ZNF12: variants seen among roughly 807,000 people sequenced by gnomAD.
ZNF12 encodes the protein zinc finger protein 12.
A neutral mutation model predicts 66.6 loss-of-function variants in ZNF12; 34 were observed. That is an observed-to-expected ratio of 0.51 (90% confidence interval 0.39 to 0.68). ZNF12 has a LOEUF of 0.68. Among genes scored for constraint, ZNF12 ranks in the 30% least tolerant of loss-of-function variants. The pLI is 0.00. For missense variants in ZNF12, 697 were observed against 826.9 expected, an observed-to-expected ratio of 0.84 and a Z score of 1.93; for synonymous variants, 320 against 278.9, an observed-to-expected ratio of 1.15 and a Z score of -1.47.
chr7:6,690,820 G>C lies in ZNF12; in HGVS notation c.*28C>G, dbSNP rs1158614252. The C allele has an allele frequency of 1.3e-6, 2 of 1,563,664 alleles. No individual in the cohort carries two copies. Among genetic ancestry groups the C allele is most frequent in the Admixed American group, 3.8e-5 (2 of 52,338 alleles). On this transcript the variant is annotated 3_prime_UTR_variant, in exon 5 of 5. Coordinates refer to ENST00000405858, the MANE Select transcript of ZNF12 (RefSeq NM_016265.4). ...GTTTCTGATTCACTATACTGAAAGG[G>C]TTCTCTGATATAAAATGAGGTCTGA...
intron 2 of ZNF12, among the ~76,000 whole-genome samples, chr7:6,701,712 C>A (rs902386678): frequency 2.0e-5 from 3 of 152,018 alleles, no homozygotes; most frequent in African/African-American, 7.2e-5. Context: ...TATGTCTACC[C>A]TCTTCTCTAA....
rs771361747 is a variant in ZNF12, at chr7:6,692,390, A to G, written c.552T>C (p.His184=). 6 of 1,612,750 alleles carry G rather than the reference A, an allele frequency of 3.7e-6. No homozygotes were observed. Among genetic ancestry groups the G allele is most frequent in the Non-Finnish European group, 5.1e-6 (6 of 1,179,296 alleles). Residue 184 remains histidine, a synonymous_variant, in exon 5 of 5, where the codon CAT becomes CAC. Coordinates refer to ENST00000405858, the MANE Select transcript of ZNF12 (RefSeq NM_016265.4). This position sits in a 1 kb window ranked among gnomAD's most constrained non-coding sequence, Gnocchi z 5.1. ...SLLHIKLEKT[H]PGDQAYEFNQ... is the part of the protein sequence containing the mutation. ...TAAATTCATAAGCTTGATCTCCTGG[A>G]TGAGTTTTCTCAAGCTTAATATGGA... is the stretch of plus-strand genomic sequence containing the variant.
chr7:6,690,772 A>G lies in ZNF12; in HGVS notation c.*76T>C. The G allele has an allele frequency of 1.4e-6, 2 of 1,397,346 alleles. No individual in the cohort carries two copies. Among genetic ancestry groups the G allele is most frequent in the South Asian group, 3.0e-5 (2 of 67,366 alleles). 86.6% of individuals were successfully genotyped at this position (1,397,346 alleles called of 1,614,324 possible). A position where few individuals can be genotyped will look rare whatever the true frequency, so the allele number is the denominator to read the frequency against. ...AACCTGTGTGAACTCTCTGATGTAC[A>G]AGGTGTTTGACTTCAGGCAGGAGTT... On this transcript the variant is annotated 3_prime_UTR_variant, in exon 5 of 5. Coordinates refer to ENST00000405858, the MANE Select transcript of ZNF12 (RefSeq NM_016265.4).
rs376469135 is a variant in ZNF12 at position 6,691,959 on chromosome 7, T to C, written c.983A>G (p.Asn328Ser). Reference sequence around the variant, plus strand: ...CTGGTAAAAGTTCTTCCCACATTCATTACATTCATAGGGCTTCTCCCCTGT... The same window carrying C: ...CTGGTAAAAGTTCTTCCCACATTCACTACATTCATAGGGCTTCTCCCCTGT... The part of the protein sequence containing the change: ...THTGEKPYEC[N>S]ECGKNFYQKL... Residue 328 changes from asparagine to serine, a missense_variant, in exon 5 of 5, where the codon AAT (asparagine) becomes AGT (serine). Asn to Ser is a conservative substitution (Grantham distance 46). This residue lies in a region of ZNF12 where 401 missense variants were observed against 519.0 expected (regional missense o/e 0.77). Coordinates refer to ENST00000405858, the MANE Select transcript of ZNF12 (RefSeq NM_016265.4). 1.1e-5 allele frequency: 18 copies of C among 1,614,014 alleles called. No homozygotes were observed. In the African/African-American group the frequency reaches 2.3e-4, roughly 20 times the overall value.
rs3839710 is a variant in ZNF12 at position 6,692,886 on chromosome 7, AACACACACAC to A, written c.239-193_239-184del. Among the ~76,000 whole-genome samples the A allele has an allele frequency of 1.3e-5, 2 of 150,078 alleles. No homozygotes were observed. The highest frequency in any genetic ancestry group is 2.1e-4 in the South Asian group (1 of 4,750). On this transcript the variant is annotated intron_variant, in intron 4 of 4. Transcript: ENST00000405858. This position sits in a 1 kb window ranked among gnomAD's most constrained non-coding sequence, Gnocchi z 5.1. ...TTTTGCTTAAAATTACACACACACA[AACACACACAC>A]ACACACACATCCCCCTCTAGGAATG...
In ZNF12 at chr7:6,706,606, C is replaced by T. The variant is rs144461280; in HGVS notation, c.-225G>A. ...ACAAATCCAGGCGGGGCGTCCCTCC[C>T]GGAGCCCAGATCCGTCTCCCTGGGG... On this transcript the variant is annotated 5_prime_UTR_variant, in exon 1 of 5. Coordinates refer to ENST00000405858, the MANE Select transcript of ZNF12 (RefSeq NM_016265.4). The T allele has an allele frequency of 4.4e-6, 2 of 453,730 alleles. No homozygotes were observed. The highest frequency in any genetic ancestry group is 2.0e-5 in the African/African-American group (1 of 49,960). The allele number at this position is 453,730 out of a possible 1,614,324, so 28.1% of individuals were successfully genotyped here. A position where few individuals can be genotyped will look rare whatever the true frequency, so the allele number is the denominator to read the frequency against.
chr7:6,700,020 T>G (rs373673607), intron 2 of ZNF12, among the ~76,000 whole-genome samples: 191 of 150,834 alleles, frequency 1.3e-3, no homozygotes, highest in African/African-American at 4.3e-3. Context: ...GCGTGGTGGC[T>G]CACACCTGTA....
rs571395309 is a variant in ZNF12, at chr7:6,706,644, C to A, written c.-263G>T. 7.5e-6 allele frequency: 3 copies of A among 401,010 alleles called. No homozygotes were observed. Among genetic ancestry groups the A allele is most frequent in the South Asian group, 3.5e-5 (2 of 57,502 alleles). The allele number at this position is 401,010 out of a possible 1,614,324, so 24.8% of individuals were successfully genotyped here. A position where few individuals can be genotyped will look rare whatever the true frequency, so the allele number is the denominator to read the frequency against. On this transcript the variant is annotated 5_prime_UTR_variant, in exon 1 of 5. Transcript: ENST00000405858. ...CGTCTCCCTGGGGCTCACCGTCCTG[C>A]GGAGCCGGGGCCGGGCCGTCGAGGA...
chr7:6,697,064 T>C lies in ZNF12; in HGVS notation c.238+275A>G, dbSNP rs1056693563. 8.6e-5 allele frequency among the ~76,000 whole-genome samples: 13 copies of C among 151,386 alleles called. No individual in the cohort carries two copies. The highest frequency in any genetic ancestry group is 1.6e-4 in the Non-Finnish European group (11 of 67,920). ...ATAACACCTAAAAAATCCATGATAA[T>C]GGTTTCTGAAAATGCTAGAAGAGCA... On this transcript the variant is annotated intron_variant, in intron 4 of 4. Transcript: ENST00000405858. The surrounding 1 kb of genome is among the most constrained non-coding windows in gnomAD (Gnocchi z 6.1).
Position 6,691,871 on chromosome 7 carries a change from A to G in ZNF12, c.1071T>C (p.Tyr357=), listed in dbSNP as rs1302266771. ...TCTTCTGGCAAAAGGATTTTCCACA[A>G]TAACTACATTCATAGGGCTTCTCTC... is the stretch of plus-strand genomic sequence containing the variant. ...HSGEKPYECS[Y]CGKSFCQKTH... The change falls in exon 5 of 5, where the codon TAT becomes TAC. Residue 357 remains tyrosine (Y), a synonymous_variant. Coordinates refer to ENST00000405858, the MANE Select transcript of ZNF12 (RefSeq NM_016265.4). 13 of 1,613,338 alleles carry G rather than the reference A, an allele frequency of 8.1e-6. No individual in the cohort carries two copies. The highest frequency in any genetic ancestry group is 5.5e-5 in the South Asian group (5 of 90,926).
Position 6,691,939 on chromosome 7 carries a change from A to G in ZNF12, c.1003T>C (p.Tyr335His), listed in dbSNP as rs769532502. The change falls in exon 5 of 5, where the codon TAC becomes CAC. Residue 335 changes from tyrosine to histidine, a missense_variant. Tyr to His is a moderately conservative substitution (Grantham distance 83). This residue lies in a region of ZNF12 where 401 missense variants were observed against 519.0 expected (regional missense o/e 0.77). Transcript: ENST00000405858. ...YECNECGKNFYQKLHLIQHQR... is the reference protein window; with the variant it reads ...YECNECGKNFHQKLHLIQHQR... ...TGCTGAATGAGGTGTAACTTCTGGT[A>G]AAAGTTCTTCCCACATTCATTACAT... 3.7e-6 allele frequency: 6 copies of G among 1,614,016 alleles called. No homozygotes were observed. Among genetic ancestry groups the G allele is most frequent in the Middle Eastern group, 1.6e-4 (1 of 6,084 alleles).
Position 6,706,462 on chromosome 7 carries a change from C to T in ZNF12, c.-81G>A, listed in dbSNP as rs1780359260. 4.2e-6 allele frequency: 2 copies of T among 478,574 alleles called. No homozygotes were observed. The highest frequency in any genetic ancestry group is 3.0e-5 in the South Asian group (2 of 66,282). The allele number at this position is 478,574 out of a possible 1,614,324, so 29.6% of individuals were successfully genotyped here. On this transcript the variant is annotated 5_prime_UTR_variant, in exon 1 of 5. Transcript: ENST00000405858. ...TGGGGCTCCGCAGCCTCTGCCCCACCGCTCCCGACAGGCCGGGGCGGGATT... is the reference window on the plus strand; with the variant it reads ...TGGGGCTCCGCAGCCTCTGCCCCACTGCTCCCGACAGGCCGGGGCGGGATT...
chr7:6,695,726 A>C (rs992877961), intron 4 of ZNF12, among the ~76,000 whole-genome samples: 1 of 152,244 alleles, frequency 6.6e-6, no homozygotes, highest in Non-Finnish European at 1.5e-5. Context: ...ATAACAGATT[A>C]CTTAATCAGA....
chr7:6,689,316 C>T lies in ZNF12; in HGVS notation c.*1532G>A, dbSNP rs1246410076. The T allele has an allele frequency of 6.6e-6, 1 of 152,224 alleles. No homozygotes were observed. The highest frequency in any genetic ancestry group is 2.4e-5 in the African/African-American group (1 of 41,452). 9.4% of individuals were successfully genotyped at this position (152,224 alleles called of 1,614,324 possible). On this transcript the variant is annotated 3_prime_UTR_variant, in exon 5 of 5. Coordinates refer to ENST00000405858, the MANE Select transcript of ZNF12 (RefSeq NM_016265.4). ...CCATTGCTGAAAGATGGTTACCAGGCACCACATCCAGACAAGGTACTGTTC... is the reference window on the plus strand; with the variant it reads ...CCATTGCTGAAAGATGGTTACCAGGTACCACATCCAGACAAGGTACTGTTC...
Position 6,692,354 on chromosome 7 carries a change from C to T in ZNF12, c.588G>A (p.Gly196=), listed in dbSNP as rs763787985. 5.0e-6 allele frequency: 8 copies of T among 1,609,066 alleles called. No homozygotes were observed. The Admixed American group carries it at 1.0e-4, about 20-fold the overall frequency. ...TTTCTTCATTTAGAGTATAAGGTTC[C>T]CCATTTTGATTAAATTCATAAGCTT... The part of the protein sequence containing the change: ...GDQAYEFNQN[G]EPYTLNEESL... Residue 196 remains glycine, a synonymous_variant, in exon 5 of 5, where the codon GGG becomes GGA. Coordinates refer to ENST00000405858, the MANE Select transcript of ZNF12 (RefSeq NM_016265.4). This position sits in a 1 kb window ranked among gnomAD's most constrained non-coding sequence, Gnocchi z 5.1.
At position 6,692,166 on chromosome 7, in the gene ZNF12, T is replaced by G. The variant is rs1780079792; in HGVS notation, c.776A>C (p.His259Pro). The G allele has an allele frequency of 1.2e-6, 2 of 1,614,100 alleles. No homozygotes were observed. Among genetic ancestry groups the G allele is most frequent in the Non-Finnish European group, 8.5e-7 (1 of 1,180,032 alleles). Residue 259 changes from histidine to proline, a missense_variant, in exon 5 of 5, where the codon CAT becomes CCT. This residue lies in a region of ZNF12 where 241 missense variants were observed against 224.0 expected (regional missense o/e 1.08). Coordinates refer to ENST00000405858, the MANE Select transcript of ZNF12 (RefSeq NM_016265.4). This position sits in a 1 kb window ranked among gnomAD's most constrained non-coding sequence, Gnocchi z 5.1. ...AFLQMSDLTV[H>P]QTSHMEMKPY... ...CTTCATTTCCATATGAGATGTCTGA[T>G]GTACAGTGAGGTCCGACATCTGGAG...
intron 4 of ZNF12, among the ~76,000 whole-genome samples, chr7:6,694,322 C>A (rs187173009): frequency 1.3e-5 from 2 of 152,064 alleles, no homozygotes; most frequent in South Asian, 2.1e-4. Context: ...CGATATCAAC[C>A]GTAACCCCTA....
chr7:6,696,809 A>T lies in ZNF12; in HGVS notation c.238+530T>A, dbSNP rs756325954. Among the ~76,000 whole-genome samples the T allele has an allele frequency of 6.6e-6, 1 of 152,138 alleles. No individual in the cohort carries two copies. The highest frequency in any genetic ancestry group is 1.5e-5 in the Non-Finnish European group (1 of 68,034). ...AATTTCAGGAGGGCTGGGTCTCAGG[A>T]ATGAGCAGCACTGTCCAATGAAGCA... On this transcript the variant is annotated intron_variant, in intron 4 of 4. Coordinates refer to ENST00000405858, the MANE Select transcript of ZNF12 (RefSeq NM_016265.4). This position sits in a 1 kb window ranked among gnomAD's most constrained non-coding sequence, Gnocchi z 4.0.
rs1780175313 is a variant in ZNF12, at chr7:6,697,805, C to T, written c.22G>A (p.Val8Met). MNKSLGPVSFKDVAVDFT... is the reference protein window; with the variant it reads MNKSLGPMSFKDVAVDFT... ...TCCACAGCCACGTCCTTGAATGACA[C>T]TGGCCCCTGAAATGGCACCGTGATT... Residue 8 changes from valine (V) to methionine (M), a missense_variant, in exon 3 of 5, where the codon GTG becomes ATG. Around this residue, in one of 3 missense-constraint regions of ZNF12, gnomAD observed 55 missense variants for 83.9 expected, o/e 0.66. Transcript: ENST00000405858. The surrounding 1 kb of genome is among the most constrained non-coding windows in gnomAD (Gnocchi z 6.1). The T allele has an allele frequency of 1.9e-6, 3 of 1,614,044 alleles. No individual in the cohort carries two copies. Among genetic ancestry groups the T allele is most frequent in the Non-Finnish European group, 2.5e-6 (3 of 1,180,048 alleles).
Sources: allele counts gnomAD v4.1 joint callset (sites outside exome capture counted in the v4.1 genomes callset), GRCh38; gene constraint gnomAD v4.1.1; regional missense constraint gnomAD v4.1.1; non-coding constraint Gnocchi (gnomAD v3.1); transcripts MANE v1.5; gene names NCBI Gene and HGNC (gene_info 2026-07-23, HGNC 2026-07-21).